The following EIPR1 variants were observed in gnomAD, a reference collection of about 807,000 sequenced individuals.
EIPR1 encodes EARP complex and GARP complex interacting protein 1.
Under a neutral mutation model 48.1 loss-of-function variants are expected in EIPR1, and 25 were observed. The ratio of observed to expected loss-of-function variants is 0.52; its 90% CI spans 0.38 to 0.73. The LOEUF is 0.73. Among genes scored for constraint, EIPR1 ranks in the 30% least tolerant of loss-of-function variants. The pLI, the probability that EIPR1 is intolerant of heterozygous loss-of-function variation, is 0.00. For synonymous variants in EIPR1, 204 were observed against 201.9 expected, an observed-to-expected ratio of 1.01 and a Z score of -0.09; for missense variants, 415 against 506.2, an observed-to-expected ratio of 0.82 and a Z score of 1.73.
chr2:3,243,618 T>A (rs1368369173), intron 4 of EIPR1, among the ~76,000 whole-genome samples: 4 of 151,824 alleles, frequency 2.6e-5, no homozygotes, highest in African/African-American at 4.8e-5. Context: ...GTGACAAGAG[T>A]AAGACTCCAT....
At chr2:3,220,679 C>T (rs1281908737) in intron 4 of EIPR1, among the ~76,000 whole-genome samples, 2 of 149,914 alleles carry the variant, frequency 1.3e-5, no homozygotes, top group East Asian at 4.0e-4. Context: ...TTCACAGTGA[C>T]TCAGGAACAC....
chr2:3,212,258 C>T (rs116839595), intron 5 of EIPR1, among the ~76,000 whole-genome samples: 381 of 152,252 alleles, frequency 2.5e-3, no homozygotes, highest in African/African-American at 8.2e-3. Context: ...TTGAGATGAC[C>T]GAGGCTCTGA....
chr2:3,291,065 C>T (rs543938580), intron 3 of EIPR1, among the ~76,000 whole-genome samples: 84 of 152,266 alleles, frequency 5.5e-4, no homozygotes, highest in African/African-American at 1.7e-3. Flanking sequence ...GATTCCCCCA[C>T]GGCTGGCATT....
intron 3 of EIPR1, among the ~76,000 whole-genome samples, chr2:3,304,484 G>A (rs1159218666): frequency 1.1e-3 from 7 of 6,578 alleles, no homozygotes; most frequent in East Asian, 8.5e-3. Flanking sequence ...GTCCAGTTCA[G>A]CCCTCCAGTC....
In EIPR1 at chr2:3,189,283, C is replaced by T. The variant is rs773324093; in HGVS notation, c.*51G>A. 3.9e-5 allele frequency: 57 copies of T among 1,468,146 alleles called. 1 individual carries two copies. In the Middle Eastern group the frequency reaches 7.2e-4, roughly 19 times the overall value. The allele number at this position is 1,468,146 out of a possible 1,614,324, so 90.9% of individuals were successfully genotyped here. On this transcript the variant is annotated 3_prime_UTR_variant, in exon 9 of 9. Coordinates refer to ENST00000382125, the MANE Select transcript of EIPR1 (RefSeq NM_003310.5). The surrounding 1 kb of genome is among the most constrained non-coding windows in gnomAD (Gnocchi z 4.6). Reference sequence around the variant, plus strand: ...CAAAGAGCTGCGACTGTTTGAGAATCTGCCAAGAGGAAAACCACTCAATGG... The same window carrying T: ...CAAAGAGCTGCGACTGTTTGAGAATTTGCCAAGAGGAAAACCACTCAATGG...
intron 5 of EIPR1, among the ~76,000 whole-genome samples, chr2:3,197,574 C>A (rs1664855339): frequency 6.6e-6 from 1 of 152,230 alleles, no homozygotes; most frequent in Non-Finnish European, 1.5e-5. Context: ...GGGCTAAAAC[C>A]TCCCCCTGCC....
At chr2:3,239,674 C>A (rs1177801530) in intron 4 of EIPR1, among the ~76,000 whole-genome samples, 3 of 151,970 alleles carry the variant, frequency 2.0e-5, no homozygotes, top group Non-Finnish European at 4.4e-5. Flanking sequence ...ACGGTGCAGA[C>A]CCTCAGGGCG....
intron 3 of EIPR1, among the ~76,000 whole-genome samples, chr2:3,257,714 T>C (rs1159961224): frequency 1.3e-5 from 2 of 152,134 alleles, no homozygotes; most frequent in African/African-American, 4.8e-5. Context: ...CAAAAGAAAA[T>C]TTAATTTCCT....
chr2:3,227,343 A>T (rs1415885865), intron 4 of EIPR1, among the ~76,000 whole-genome samples: 1 of 152,222 alleles, frequency 6.6e-6, no homozygotes, highest in African/African-American at 2.4e-5. Flanking sequence ...GAACTGGAGT[A>T]ATGGTCACTT....
intron 3 of EIPR1, among the ~76,000 whole-genome samples, chr2:3,288,820 G>A (rs1414296383): frequency 6.6e-6 from 1 of 152,216 alleles, no homozygotes; most frequent in Non-Finnish European, 1.5e-5. Flanking sequence ...CAGTGGGAGT[G>A]GGGATGAAAC....
At chr2:3,374,086 C>T (rs1363075730) in intron 1 of EIPR1, among the ~76,000 whole-genome samples, 1 of 145,268 alleles carries the variant, frequency 6.9e-6, no homozygotes, top group African/African-American at 2.5e-5. Context: ...ATATCTACAA[C>T]TATCTGATCT....
chr2:3,258,379 A>T (rs1558256298), intron 3 of EIPR1, among the ~76,000 whole-genome samples: 1 of 152,238 alleles, frequency 6.6e-6, no homozygotes, highest in Non-Finnish European at 1.5e-5. Flanking sequence ...TATGTGCTAA[A>T]CACCTCTCCC....
chr2:3,254,572 G>C (rs1042529948), intron 4 of EIPR1, among the ~76,000 whole-genome samples: 2 of 152,194 alleles, frequency 1.3e-5, no homozygotes, highest in Non-Finnish European at 2.9e-5. Context: ...TCAACCTCCA[G>C]GGAATCAAGC....
chr2:3,354,667 T>C (rs746755021), intron 1 of EIPR1, 34 bp from the exon 2 acceptor site: 52 of 1,600,562 alleles, frequency 3.2e-5, no homozygotes, highest in Non-Finnish European at 4.2e-5. Context: ...TGCACATTTA[T>C]GAAGTTAGAT....
chr2:3,190,433 C>T (rs1218363388), intron 8 of EIPR1, among the ~76,000 whole-genome samples: 1 of 152,226 alleles, frequency 6.6e-6, no homozygotes, highest in Admixed American at 6.5e-5. Flanking sequence ...AGTGGACCTG[C>T]CAGTGGTCAA....
intron 5 of EIPR1, among the ~76,000 whole-genome samples, chr2:3,202,082 C>T (rs1044977316): frequency 4.6e-5 from 7 of 152,076 alleles, no homozygotes; most frequent in East Asian, 3.9e-4. Context: ...GGACTACAGG[C>T]GCCCGCCACC....
At chr2:3,218,288 G>T (rs1224759955) in intron 4 of EIPR1, among the ~76,000 whole-genome samples, 4 of 147,860 alleles carry the variant, frequency 2.7e-5, no homozygotes, top group Non-Finnish European at 5.9e-5. Context: ...ACCCAACACG[G>T]CCCTGATACA....
intron 3 of EIPR1, among the ~76,000 whole-genome samples, chr2:3,277,212 ACGGCCCCGCACCTGTCTCCACCCACG>A (rs1558267881): frequency 1.4e-5 from 2 of 140,276 alleles, no homozygotes; most frequent in Non-Finnish European, 3.2e-5. Flanking sequence ...CTCCACCCAC[ACGGCCCCGCACCTGTCTCCACCCACG>A]CGGCCCCACA....
At chr2:3,228,111 C>T (rs1216991761) in intron 4 of EIPR1, among the ~76,000 whole-genome samples, 1 of 152,230 alleles carries the variant, frequency 6.6e-6, no homozygotes, top group Non-Finnish European at 1.5e-5. Flanking sequence ...GGTAGATCCA[C>T]CAACAGCTTG....
Sources: gnomAD v4.1 joint callset for allele counts (sites outside exome capture counted in the v4.1 genomes callset) on GRCh38, gnomAD v4.1.1 for gene constraint, Gnocchi (gnomAD v3.1) non-coding constraint, MANE v1.5 for transcripts, NCBI Gene and HGNC (gene_info 2026-07-23, HGNC 2026-07-21) for gene names.